RARB: variants seen among roughly 807,000 people sequenced by gnomAD.
The protein encoded by RARB is HBV-activated protein.
In RARB, 17 loss-of-function variants were observed where a neutral mutation model predicts 51.9. That is an observed-to-expected ratio of 0.33 (90% CI 0.22 to 0.49). RARB has a LOEUF of 0.49. RARB is among the 20% of genes least tolerant of loss of function. The pLI, the probability that RARB is intolerant of heterozygous loss-of-function variation, is 0.99. For missense variants in RARB, 369 were observed against 550.8 expected (o/e 0.67, Z 3.30); for synonymous variants, 215 against 195.4 (o/e 1.10, Z -0.84).
chr3:25,146,841 C>A (rs1009027395), intron 4 of RARB, among the ~76,000 whole-genome samples: 3 of 152,126 alleles, frequency 2.0e-5, no homozygotes, highest in Non-Finnish European at 2.9e-5. Flanking sequence ...TGAATTCATT[C>A]TTTTGGCGCT....
chr3:25,583,479 T>C (rs371026466), intron 5 of RARB, among the ~76,000 whole-genome samples: 5 of 152,174 alleles, frequency 3.3e-5, no homozygotes, highest in African/African-American at 1.2e-4. Flanking sequence ...GTGTGGTCTC[T>C]CAACAAGACA....
chr3:25,063,921 G>A (rs1316942253), intron 3 of RARB, among the ~76,000 whole-genome samples: 1 of 151,906 alleles, frequency 6.6e-6, no homozygotes, highest in African/African-American at 2.4e-5. Flanking sequence ...CAAGGCTCAG[G>A]GAAGACTCTA....
At chr3:25,059,403 C>T (rs548607993) in intron 2 of RARB, among the ~76,000 whole-genome samples, 138 of 151,858 alleles carry the variant, frequency 9.1e-4, no homozygotes, top group South Asian at 1.9e-3. Context: ...TACCGATATA[C>T]ACTTCCACTA....
intron 1 of RARB, among the ~76,000 whole-genome samples, chr3:25,456,660 A>AATATATATATATATATAT (rs59052323): frequency 4.2e-5 from 4 of 96,204 alleles, no homozygotes; most frequent in South Asian, 3.8e-4. Flanking sequence ...GTGATATTTG[A>AATATATATATATATATAT]ATATATATAT....
chr3:25,545,080 G>A (rs1053024377), intron 3 of RARB, among the ~76,000 whole-genome samples: 5 of 152,046 alleles, frequency 3.3e-5, no homozygotes, highest in African/African-American at 1.2e-4. Flanking sequence ...GCCTGCCTCA[G>A]CCTCCAAAGT....
At chr3:25,087,084 T>C (rs940744629) in intron 3 of RARB, among the ~76,000 whole-genome samples, 2 of 152,164 alleles carry the variant, frequency 1.3e-5, no homozygotes, top group Non-Finnish European at 2.9e-5. Context: ...ATTCGATTTT[T>C]TTCAGGGCCT....
At chr3:24,987,966 ATT>A (rs61104981) in intron 2 of RARB, among the ~76,000 whole-genome samples, 3,211 of 150,306 alleles carry the variant, frequency 0.021, 89 homozygotes, top group African/African-American at 0.055. Context: ...CTTTCATTCC[ATT>A]TTTTTTTTTT....
At chr3:24,979,287 G>A (rs1696586881) in intron 2 of RARB, among the ~76,000 whole-genome samples, 2 of 152,176 alleles carry the variant, frequency 1.3e-5, no homozygotes, top group African/African-American at 4.8e-5. Flanking sequence ...CCAGAGCTGA[G>A]GTCAAGTCCT....
At position 25,106,451 on chromosome 3, in the gene RARB, G is replaced by GGTTTTTTTTTTTT. The variant is rs1575163102; in HGVS notation, c.-327-25710_-327-25709insGTTTTTTTTTTTT. ...CCACCATGCCCAGCTACTGTTTTTT[G>GGTTTTTTTTTTTT]TTTTTTGTTTTTTTTTGTTTTGTTT... On this transcript the variant is annotated intron_variant, in intron 3 of 11. Coordinates refer to the RARB transcript ENST00000383772. 8.4e-4 allele frequency among the ~76,000 whole-genome samples: 59 copies of GGTTTTTTTTTTTT among 70,536 alleles called. 1 individual carries two copies. Among genetic ancestry groups the GGTTTTTTTTTTTT allele is most frequent in the African/African-American group, 3.2e-3 (51 of 16,170 alleles). The allele number at this position is 70,536 out of a possible 152,430, so 46.3% of individuals were successfully genotyped here.
chr3:25,586,409 T>C (rs1401339771), intron 5 of RARB, among the ~76,000 whole-genome samples: 3 of 152,178 alleles, frequency 2.0e-5, no homozygotes, highest in Non-Finnish European at 2.9e-5. Context: ...GTGGCAGGGT[T>C]CCAGGCTCGA....
chr3:25,113,688 G>T (rs1268096782), intron 3 of RARB, among the ~76,000 whole-genome samples: 1 of 152,138 alleles, frequency 6.6e-6, no homozygotes, highest in East Asian at 1.9e-4. Flanking sequence ...TTTGCAGACA[G>T]TCCTGACCTC....
Position 25,157,360 on chromosome 3 carries a change from G to GTC in RARB, c.-279-16758_-279-16757insCT, listed in dbSNP as rs1213805246. Among the ~76,000 whole-genome samples the GTC allele has an allele frequency of 7.3e-3, 585 of 80,124 alleles. 3 individuals are homozygous for GTC. Among genetic ancestry groups the GTC allele is most frequent in the African/African-American group, 0.019 (508 of 27,262 alleles). The allele number at this position is 80,124 out of a possible 152,430, so 52.6% of individuals were successfully genotyped here. A position where few individuals can be genotyped will look rare whatever the true frequency, so the allele number is the denominator to read the frequency against. ...TCTGAGTGTGTGTGTTTGTGTGTGT[G>GTC]TGTGTGTGTGTGTGTGTGTGTATAT... On this transcript the variant is annotated intron_variant, in intron 4 of 11. Transcript: ENST00000383772.
intron 2 of RARB, among the ~76,000 whole-genome samples, chr3:25,498,418 C>T (rs1441483312): frequency 2.0e-5 from 3 of 152,112 alleles, no homozygotes; most frequent in Admixed American, 1.3e-4. Flanking sequence ...ACTCAACCCA[C>T]GTATAAAAAT....
intron 1 of RARB, among the ~76,000 whole-genome samples, chr3:24,835,175 T>G (rs889471848): frequency 6.6e-6 from 1 of 152,226 alleles, no homozygotes; most frequent in African/African-American, 2.4e-5. Flanking sequence ...TGGTGGTCTT[T>G]GCATTCATCA....
At chr3:25,002,338 C>G (rs12487626) in intron 2 of RARB, among the ~76,000 whole-genome samples, 35,102 of 152,014 alleles carry the variant, frequency 0.23, 4,891 homozygotes, top group Admixed American at 0.37. Flanking sequence ...GATATTTATT[C>G]TTTGGAGATG....
At chr3:25,595,182 G>A (rs1245641632) in intron 7 of RARB, among the ~76,000 whole-genome samples, 6 of 152,158 alleles carry the variant, frequency 3.9e-5, no homozygotes, top group Non-Finnish European at 8.8e-5. Flanking sequence ...TGTTTATGTA[G>A]CAACTCAAGC....
At chr3:25,003,129 C>T (rs371688878) in intron 2 of RARB, among the ~76,000 whole-genome samples, 22 of 151,520 alleles carry the variant, frequency 1.5e-4, no homozygotes, top group African/African-American at 2.9e-4. Context: ...GCCTTTGCTT[C>T]GCTTTGCCCC....
At chr3:25,131,228 G>A (rs1699948534) in intron 3 of RARB, among the ~76,000 whole-genome samples, 1 of 151,876 alleles carries the variant, frequency 6.6e-6, no homozygotes, top group South Asian at 2.1e-4. Context: ...AAATTCACAA[G>A]CTTAGAGCCA....
chr3:25,351,750 C>T (rs534305342), intron 5 of RARB, among the ~76,000 whole-genome samples: 3 of 152,138 alleles, frequency 2.0e-5, no homozygotes, highest in Non-Finnish European at 4.4e-5. Context: ...CATCCCCATC[C>T]TCACCCATAT....
Sources: allele counts gnomAD v4.1 joint callset (sites outside exome capture counted in the v4.1 genomes callset), GRCh38; gene constraint gnomAD v4.1.1; transcripts MANE v1.5; gene names NCBI Gene and HGNC (gene_info 2026-07-23, HGNC 2026-07-21).